Variants in PARD3B observed in about 807,000 individuals in gnomAD.
PARD3B encodes the protein partitioning defective 3 homolog B.
In PARD3B, 103 loss-of-function variants were observed where a neutral mutation model predicts 130.2. The observed-to-expected ratio is 0.79, with a 90% CI of 0.67 to 0.93. The LOEUF (loss-of-function observed/expected upper bound fraction) is 0.93. PARD3B is among the 40% of genes least tolerant of loss of function. The pLI is 0.00. For missense variants in PARD3B, 1,609 were observed against 1,499.2 expected (o/e 1.07, Z -1.21); for synonymous variants, 583 against 553.2 (o/e 1.05, Z -0.76).
At chr2:205,030,161 G>A (rs1175142613) in intron 3 of PARD3B, among the ~76,000 whole-genome samples, 1 of 152,126 alleles carries the variant, frequency 6.6e-6, no homozygotes, top group African/African-American at 2.4e-5. Context: ...GCAGCCCACA[G>A]ATTGAGAAAA....
rs568100034 is a variant in PARD3B, at chr2:205,060,019, T to C, written c.504+12329T>C. Reference sequence around the variant, plus strand: ...GAAGTTCAGGCTCAAACGAGTTAACTTATTTGCCTTAGATCACAGAACTAA... The same window carrying C: ...GAAGTTCAGGCTCAAACGAGTTAACCTATTTGCCTTAGATCACAGAACTAA... On this transcript the variant is annotated intron_variant, in intron 4 of 22. Coordinates refer to ENST00000406610, the MANE Select transcript of PARD3B (RefSeq NM_001302769.2). 3.3e-5 allele frequency among the ~76,000 whole-genome samples: 5 copies of C among 152,236 alleles called. No homozygotes were observed. The South Asian group carries it at 8.3e-4, about 25-fold the overall frequency.
chr2:205,038,329 T>A (rs1698158167), intron 3 of PARD3B, among the ~76,000 whole-genome samples: 1 of 152,166 alleles, frequency 6.6e-6, no homozygotes, highest in Non-Finnish European at 1.5e-5. Flanking sequence ...CTTTACTTGT[T>A]TTTTTAGAGT....
At chr2:204,557,383 C>A (rs1002876475) in intron 1 of PARD3B, among the ~76,000 whole-genome samples, 4 of 152,148 alleles carry the variant, frequency 2.6e-5, no homozygotes, top group African/African-American at 9.7e-5. Context: ...ATATCCTTCA[C>A]ACCTCCCTCA....
intron 18 of PARD3B, among the ~76,000 whole-genome samples, chr2:205,382,871 C>T (rs1003806889): frequency 2.0e-5 from 3 of 151,926 alleles, no homozygotes; most frequent in Non-Finnish European, 4.4e-5. Context: ...TTTAACTTGT[C>T]CATACCTTTT....
At chr2:204,806,586 C>A (rs1337239873) in intron 2 of PARD3B, among the ~76,000 whole-genome samples, 1 of 151,888 alleles carries the variant, frequency 6.6e-6, no homozygotes, top group Non-Finnish European at 1.5e-5. Context: ...TTGTTCTGGG[C>A]AAAGATTTAT....
At chr2:205,064,472 A>T (rs1017073926) in intron 4 of PARD3B, among the ~76,000 whole-genome samples, 1 of 152,166 alleles carries the variant, frequency 6.6e-6, no homozygotes, top group African/African-American at 2.4e-5. Flanking sequence ...CTTTAGGGAA[A>T]AAAAGTCTGA....
intron 5 of PARD3B, among the ~76,000 whole-genome samples, chr2:205,106,338 A>G (rs1167415729): frequency 6.6e-6 from 1 of 151,836 alleles, no homozygotes; most frequent in African/African-American, 2.4e-5. Context: ...TAGCAGAGAC[A>G]GGGTTTCTCC....
chr2:204,601,117 A>G (rs1241844411), intron 1 of PARD3B, among the ~76,000 whole-genome samples: 1 of 151,958 alleles, frequency 6.6e-6, no homozygotes, highest in Non-Finnish European at 1.5e-5. Context: ...GAATCTTCTC[A>G]TGCATATAAC....
At chr2:204,820,816 CAA>C (rs2043323557) in intron 2 of PARD3B, among the ~76,000 whole-genome samples, 2 of 4,518 alleles carry the variant, frequency 4.4e-4, no homozygotes, top group African/African-American at 7.6e-4. Context: ...ACTCTTGTCT[CAA>C]AAACAAAAAC....
chr2:204,694,743 G>C (rs979166388), intron 2 of PARD3B, among the ~76,000 whole-genome samples: 4 of 152,022 alleles, frequency 2.6e-5, no homozygotes, highest in Admixed American at 6.6e-5. Flanking sequence ...GGCCATGTCA[G>C]ATATGTGCCT....
intron 2 of PARD3B, among the ~76,000 whole-genome samples, chr2:204,903,587 T>C (rs2046943564): frequency 1.3e-5 from 2 of 152,210 alleles, no homozygotes; most frequent in African/African-American, 2.4e-5. Flanking sequence ...GAAACCTTCC[T>C]AATTTGTTCA....
At chr2:205,611,048 T>C (rs1364272034) in intron 22 of PARD3B, among the ~76,000 whole-genome samples, 1 of 152,220 alleles carries the variant, frequency 6.6e-6, no homozygotes, top group Non-Finnish European at 1.5e-5. Flanking sequence ...ACTCAGTTCC[T>C]TCCTTCAAGA....
At chr2:204,999,303 C>T (rs867058625) in intron 3 of PARD3B, among the ~76,000 whole-genome samples, 3 of 152,180 alleles carry the variant, frequency 2.0e-5, no homozygotes, top group Non-Finnish European at 4.4e-5. Flanking sequence ...AGGAATGACT[C>T]GTTTTGCCTT....
At chr2:204,968,590 A>T (rs915128915) in intron 3 of PARD3B, among the ~76,000 whole-genome samples, 1 of 151,728 alleles carries the variant, frequency 6.6e-6, no homozygotes, top group Admixed American at 6.6e-5. Flanking sequence ...CCACCTTCAA[A>T]CCTCTGTGCC....
intron 18 of PARD3B, among the ~76,000 whole-genome samples, chr2:205,387,017 C>A (rs2045685169): frequency 6.6e-6 from 1 of 152,116 alleles, no homozygotes; most frequent in Non-Finnish European, 1.5e-5. Context: ...ATTTATTGAA[C>A]AAGCTTATTT....
chr2:205,503,553 C>T (rs931267368), intron 21 of PARD3B, among the ~76,000 whole-genome samples: 6 of 152,044 alleles, frequency 3.9e-5, no homozygotes, highest in Non-Finnish European at 2.9e-5. Flanking sequence ...GGTACCAGTA[C>T]CATGCTGTTT....
chr2:205,029,003 T>C (rs1315586724), intron 3 of PARD3B, among the ~76,000 whole-genome samples: 1 of 152,028 alleles, frequency 6.6e-6, no homozygotes. Flanking sequence ...TTATTGGATT[T>C]TAATAGAAAT....
chr2:205,450,510 G>C (rs1156326905), intron 20 of PARD3B, among the ~76,000 whole-genome samples: 1 of 119,472 alleles, frequency 8.4e-6, no homozygotes, highest in African/African-American at 3.4e-5. Context: ...GTCTCGCACT[G>C]TTGCCTGGGC....
chr2:205,065,672 G>A (rs1379442021), intron 4 of PARD3B, among the ~76,000 whole-genome samples: 1 of 152,066 alleles, frequency 6.6e-6, no homozygotes, highest in East Asian at 1.9e-4. Flanking sequence ...GAATAGATTA[G>A]TTCCTGCAAG....
Sources: gnomAD v4.1 joint callset for allele counts (sites outside exome capture counted in the v4.1 genomes callset) on GRCh38, gnomAD v4.1.1 for gene constraint, MANE v1.5 for transcripts, NCBI Gene and HGNC (gene_info 2026-07-23, HGNC 2026-07-21) for gene names.